CFAP74: variants seen among roughly 807,000 people sequenced by gnomAD.
CFAP74 encodes the protein cilia- and flagella-associated protein 74.
CFAP74 carries 124 observed loss-of-function variants against 188.9 expected under a neutral mutation model. That is an observed-to-expected ratio of 0.66 (90% CI 0.57 to 0.76). The LOEUF is 0.76. Among genes scored for constraint, CFAP74 ranks in the 30% least tolerant of loss-of-function variants. The pLI is 0.00. For missense variants in CFAP74, 2,198 were observed against 2,165.2 expected, an observed-to-expected ratio of 1.02 and a Z score of -0.30; for synonymous variants, 956 against 916.7, an observed-to-expected ratio of 1.04 and a Z score of -0.77.
At chr1:1,981,905 G>A (rs1418293849) in intron 6 of CFAP74, among the ~76,000 whole-genome samples, 3 of 70,372 alleles carry the variant, frequency 4.3e-5, no homozygotes, top group East Asian at 5.3e-4. Flanking sequence ...GGACAGACAC[G>A]GGGGCACGCA....
At position 1,926,489 on chromosome 1, in the gene CFAP74, A is replaced by C. The variant is rs1651908952; in HGVS notation, c.3796T>G (p.Ser1266Ala). The change falls in exon 31 of 39, where the codon TCC (serine) becomes GCC (alanine). Residue 1266 changes from serine to alanine, a missense_variant. Coordinates refer to ENST00000682832, the MANE Select transcript of CFAP74 (RefSeq NM_001304360.2). ...AVGHRSIKKISIQNVSPEDLA... is the reference protein window; with the variant it reads ...AVGHRSIKKIAIQNVSPEDLA... ...TCCTCGGGAGAGACGTTCTGGATGG[A>C]GATCTTCTTGATACTGCGGTGCCCT... 1 of 1,550,092 alleles carries C rather than the reference A, an allele frequency of 6.5e-7. No homozygotes were observed. The highest frequency in any genetic ancestry group is 8.7e-7 in the Non-Finnish European group (1 of 1,146,886).
At position 1,968,644 on chromosome 1, in the gene CFAP74, C is replaced by T. The variant is rs61734010; in HGVS notation, c.1236G>A (p.Thr412=). 1.5e-3 allele frequency: 2,443 copies of T among 1,610,534 alleles called. 40 individuals carry two copies. In the African/African-American group the frequency reaches 0.029, roughly 19 times the overall value. ...FCKKTTVPTN[T]YTLDYEAAAG... is the part of the protein sequence containing the mutation. Reference sequence around the variant, plus strand: ...AAGGCGTTTTGCTCACCAGTGTGTACGTGTTGGTTGGGACTGTGGTCTTCT... The same window carrying T: ...AAGGCGTTTTGCTCACCAGTGTGTATGTGTTGGTTGGGACTGTGGTCTTCT... Residue 412 remains threonine, a synonymous_variant, in exon 11 of 39, where the codon ACG becomes ACA. Coordinates refer to ENST00000682832, the MANE Select transcript of CFAP74 (RefSeq NM_001304360.2). This position sits in a 1 kb window ranked among gnomAD's most constrained non-coding sequence, Gnocchi z 4.3.
chr1:1,924,006 G>T, intron 34 of CFAP74, 77 bp from the exon 35 acceptor site: 1 of 1,477,780 alleles, frequency 6.8e-7, no homozygotes, highest in Non-Finnish European at 9.1e-7. Context: ...GCTGCATAGA[G>T]CTCTACACCC....
At position 1,975,727 on chromosome 1, in the gene CFAP74, C is replaced by T. The variant is rs992341974; in HGVS notation, c.501-1529G>A. On this transcript the variant is annotated intron_variant, in intron 6 of 38. Coordinates refer to ENST00000682832, the MANE Select transcript of CFAP74 (RefSeq NM_001304360.2). This position sits in a 1 kb window ranked among gnomAD's most constrained non-coding sequence, Gnocchi z 4.5. ...GGGCGGGTTATTTCTATTCCTCCCT[C>T]GCGTGACTCATGAAATTCTTTAATC... Among the ~76,000 whole-genome samples the T allele has an allele frequency of 7.9e-5, 12 of 152,142 alleles. No individual in the cohort carries two copies. Among genetic ancestry groups the T allele is most frequent in the African/African-American group, 2.9e-4 (12 of 41,432 alleles).
chr1:1,998,738 G>A (rs968824399), intron 1 of CFAP74, among the ~76,000 whole-genome samples: 5 of 151,920 alleles, frequency 3.3e-5, no homozygotes, highest in East Asian at 3.9e-4. Context: ...TTAGCCGGGC[G>A]TGGTGGCGGG....
chr1:1,923,531 C>G lies in CFAP74; in HGVS notation c.4390-32G>C, dbSNP rs200466895. ...ACAAGAAGTGGAGTGGCCTTGTCCC[C>G]GAAGCTCGGCGGCAGGGGTCCTGCT... On this transcript the variant is annotated intron_variant, in intron 35 of 38. Coordinates refer to ENST00000682832, the MANE Select transcript of CFAP74 (RefSeq NM_001304360.2). This position sits in a 1 kb window ranked among gnomAD's most constrained non-coding sequence, Gnocchi z 6.3. 1.8e-5 allele frequency: 29 copies of G among 1,593,222 alleles called. No individual in the cohort carries two copies. The highest frequency in any genetic ancestry group is 2.7e-5 in the African/African-American group (2 of 74,520).
intron 29 of CFAP74, 27 bp downstream of exon 29, chr1:1,926,867 C>T (rs1651945206): frequency 1.3e-6 from 2 of 1,549,660 alleles, no homozygotes. Flanking sequence ...GCTGACCACA[C>T]CCTGTTCTGG....
chr1:1,959,237 A>C, intron 15 of CFAP74, 28 bp from the exon 16 acceptor site: 25 of 1,398,556 alleles, frequency 1.8e-5, no homozygotes, highest in Non-Finnish European at 2.4e-5. Flanking sequence ...CCCCACCACA[A>C]TACACTTCTG....
intron 16 of CFAP74, among the ~76,000 whole-genome samples, chr1:1,958,091 C>T (rs1372718899): frequency 6.6e-6 from 1 of 152,230 alleles, no homozygotes; most frequent in Non-Finnish European, 1.5e-5. Context: ...GACTCTCATC[C>T]CAACCCCTCT....
intron 18 of CFAP74, chr1:1,955,005 C>A (rs940434698): frequency 6.2e-6 from 7 of 1,124,218 alleles, no homozygotes; most frequent in African/African-American, 2.2e-5. Flanking sequence ...AAACGCCACG[C>A]AGTGGTGAGG....
chr1:2,001,573 T>G (rs551914012), intron 1 of CFAP74, among the ~76,000 whole-genome samples: 2 of 152,056 alleles, frequency 1.3e-5, no homozygotes, highest in Non-Finnish European at 2.9e-5. Context: ...TGATCCGCCC[T>G]CCTCAGCCTC....
At chr1:1,985,335 G>C (rs770099932) in intron 6 of CFAP74, 51 bp downstream of exon 6, 21 of 1,492,628 alleles carry the variant, frequency 1.4e-5, no homozygotes, top group South Asian at 3.4e-5. Flanking sequence ...GGAAGGACTC[G>C]CACCGTTCTG....
rs1266306733 is a variant in CFAP74 at position 1,980,496 on chromosome 1, C to T, written c.500+4890G>A. On this transcript the variant is annotated intron_variant, in intron 6 of 38. Coordinates refer to ENST00000682832, the MANE Select transcript of CFAP74 (RefSeq NM_001304360.2). The stretch of plus-strand genomic sequence containing the variant: ...CACCGGCACAGATCGCAGTGGGCGC[C>T]TCACAGCAGCCCCCGGGCACAGGGA... 1.4e-5 allele frequency among the ~76,000 whole-genome samples: 2 copies of T among 146,608 alleles called. 1 individual carries two copies. Among genetic ancestry groups the T allele is most frequent in the Non-Finnish European group, 3.0e-5 (2 of 66,432 alleles).
chr1:1,970,369 A>G (rs1570942343), intron 10 of CFAP74, among the ~76,000 whole-genome samples: 1 of 152,146 alleles, frequency 6.6e-6, no homozygotes, highest in Non-Finnish European at 1.5e-5. Context: ...AAGTCAGGAC[A>G]GGAGCCGGAG....
chr1:1,962,583 A>G (rs934446683), intron 14 of CFAP74, among the ~76,000 whole-genome samples: 2 of 151,790 alleles, frequency 1.3e-5, no homozygotes, highest in African/African-American at 4.8e-5. Context: ...AAATAAAATA[A>G]AAGAGAAAAG....
chr1:1,955,653 G>C (rs3838976), intron 18 of CFAP74, 38 bp downstream of exon 18: 3 of 914,842 alleles, frequency 3.3e-6, no homozygotes, highest in Non-Finnish European at 1.6e-6. Context: ...GGCCCTCACC[G>C]CCCGCCCACC....
chr1:1,942,402 G>A lies in CFAP74; in HGVS notation c.2487-246C>T, dbSNP rs1653445058. Reference sequence around the variant, plus strand: ...TAAAAATAACCACATCGAAACGGAAGCACGGTCCTAATGGGCTCTCGGGAA... The same window carrying A: ...TAAAAATAACCACATCGAAACGGAAACACGGTCCTAATGGGCTCTCGGGAA... On this transcript the variant is annotated intron_variant, in intron 21 of 38. Coordinates refer to ENST00000682832, the MANE Select transcript of CFAP74 (RefSeq NM_001304360.2). This position sits in a 1 kb window ranked among gnomAD's most constrained non-coding sequence, Gnocchi z 4.3. Among the ~76,000 whole-genome samples, 1 of 152,164 alleles carries A rather than the reference G, an allele frequency of 6.6e-6. No homozygotes were observed. The highest frequency in any genetic ancestry group is 1.5e-5 in the Non-Finnish European group (1 of 68,018).
chr1:1,967,819 T>C (rs944520688), intron 11 of CFAP74, among the ~76,000 whole-genome samples: 4 of 152,090 alleles, frequency 2.6e-5, no homozygotes, highest in African/African-American at 9.7e-5. Context: ...AAACTAGAAA[T>C]ACATTCCCCC....
At chr1:1,940,190 C>T (rs1653268803) in intron 23 of CFAP74, 126 bp downstream of exon 23, 1 of 759,286 alleles carries the variant, frequency 1.3e-6, no homozygotes, top group Non-Finnish European at 2.2e-6. Context: ...CGCTAGACGC[C>T]TCCTGGAAGG....
Sources: gnomAD v4.1 joint callset for allele counts (sites outside exome capture counted in the v4.1 genomes callset) on GRCh38, gnomAD v4.1.1 for gene constraint, Gnocchi (gnomAD v3.1) non-coding constraint, MANE v1.5 for transcripts, NCBI Gene and HGNC (gene_info 2026-07-23, HGNC 2026-07-21) for gene names.